Variants in ATP10A observed in about 807,000 individuals in gnomAD.
The protein encoded by ATP10A is ATPase phospholipid transporting 10A (putative), also known as phospholipid-transporting ATPase VA.
Under a neutral mutation model 147.8 loss-of-function variants are expected in ATP10A, and 111 were observed. The observed-to-expected ratio is 0.75, with a 90% CI of 0.64 to 0.88. The LOEUF (loss-of-function observed/expected upper bound fraction) is 0.88. ATP10A is among the 40% of genes least tolerant of loss of function. ATP10A has a pLI of 0.00. For synonymous variants in ATP10A, 875 were observed against 841.6 expected (o/e 1.04, Z -0.69); for missense variants, 1,927 against 1,959.0 (o/e 0.98, Z 0.31).
chr15:25,685,729 T>C (rs1899676432), intron 16 of ATP10A, among the ~76,000 whole-genome samples: 1 of 151,508 alleles, frequency 6.6e-6, no homozygotes, highest in East Asian at 1.9e-4. Context: ...GAGGCTGAGG[T>C]AGGGGGATTG....
chr15:25,831,373 A>C (rs1892349136), intron 1 of ATP10A, among the ~76,000 whole-genome samples: 1 of 152,222 alleles, frequency 6.6e-6, no homozygotes, highest in Admixed American at 6.5e-5. Flanking sequence ...TCTCCTTGAC[A>C]ACATTTTCCT....
chr15:25,834,600 A>C (rs1596975151), intron 1 of ATP10A, among the ~76,000 whole-genome samples: 1 of 152,338 alleles, frequency 6.6e-6, no homozygotes, highest in South Asian at 2.1e-4. Context: ...GTGCTCCAGC[A>C]AGTCTCCTCC....
Position 25,691,787 on chromosome 15 carries a change from A to G in ATP10A, c.3093T>C (p.Asp1031=), listed in dbSNP as rs207475297. The change falls in exon 15 of 21, where the codon GAT becomes GAC. Residue 1031 remains aspartate, a synonymous_variant. Coordinates refer to ENST00000555815, the MANE Select transcript of ATP10A (RefSeq NM_024490.4). The stretch of plus-strand genomic sequence containing the variant: ...GGATCATGCTGACATCATTGGCTCC[A>G]TCACCTAGAAACAGCACAGGCAAGA... ...KLKAMTLAIG[D]GANDVSMIQV... 3 of 1,614,074 alleles carry G rather than the reference A, an allele frequency of 1.9e-6. No individual in the cohort carries two copies. The South Asian group carries it at 3.3e-5, about 18-fold the overall frequency.
At chr15:25,712,894 C>T (rs1394116566) in intron 10 of ATP10A, among the ~76,000 whole-genome samples, 2 of 152,298 alleles carry the variant, frequency 1.3e-5, no homozygotes, top group East Asian at 1.9e-4. Context: ...GGCTTCTGTG[C>T]CAGGGGTCCT....
At chr15:25,695,278 C>T (rs1198580726) in intron 13 of ATP10A, 132 bp from the exon 14 acceptor site, 2 of 802,524 alleles carry the variant, frequency 2.5e-6, no homozygotes, top group African/African-American at 1.7e-5. Context: ...CCAGAGGCCA[C>T]CCTCCAGAAA....
At chr15:25,788,063 C>T (rs1890252397) in intron 1 of ATP10A, among the ~76,000 whole-genome samples, 1 of 152,146 alleles carries the variant, frequency 6.6e-6, no homozygotes, top group African/African-American at 2.4e-5. Context: ...GAGAGGTGCT[C>T]CCAACGTGGG....
intron 16 of ATP10A, among the ~76,000 whole-genome samples, chr15:25,685,220 G>T (rs1038977899): frequency 1.3e-5 from 2 of 152,180 alleles, no homozygotes; most frequent in African/African-American, 4.8e-5. Context: ...TAAAACTAAT[G>T]AATTTCTCAT....
chr15:25,771,765 T>C (rs1596855684), intron 2 of ATP10A, among the ~76,000 whole-genome samples: 1 of 152,002 alleles, frequency 6.6e-6, no homozygotes, highest in African/African-American at 2.4e-5. Context: ...TTTTTTTTTT[T>C]TTGAGACAGA....
chr15:25,721,578 G>A, intron 7 of ATP10A, 79 bp downstream of exon 7: 1 of 1,327,778 alleles, frequency 7.5e-7, no homozygotes. Context: ...GTGTGTGTGT[G>A]TGTGTGTCTC....
chr15:25,797,977 A>C (rs1439040027), intron 1 of ATP10A, among the ~76,000 whole-genome samples: 1 of 152,136 alleles, frequency 6.6e-6, no homozygotes, highest in Non-Finnish European at 1.5e-5. Flanking sequence ...TAAATGTAAG[A>C]CTTCTGTGTT....
At chr15:25,734,488 G>C (rs905745427) in intron 3 of ATP10A, among the ~76,000 whole-genome samples, 9 of 152,168 alleles carry the variant, frequency 5.9e-5, no homozygotes, top group African/African-American at 2.2e-4. Context: ...CCTGCTCTCT[G>C]TAGCCAACTC....
At chr15:25,804,580 T>C (rs1246061777) in intron 1 of ATP10A, among the ~76,000 whole-genome samples, 2 of 151,628 alleles carry the variant, frequency 1.3e-5, no homozygotes, top group African/African-American at 4.9e-5. Flanking sequence ...TGGAGTAGAG[T>C]GGAAAGAGCT....
intron 1 of ATP10A, among the ~76,000 whole-genome samples, chr15:25,796,971 C>G (rs974358731): frequency 6.6e-6 from 1 of 152,126 alleles, no homozygotes; most frequent in Non-Finnish European, 1.5e-5. Context: ...TCTCACATAC[C>G]GATCTTTTTT....
At chr15:25,681,169 CAACAACAAT>C in intron 17 of ATP10A, 95 bp from the exon 18 acceptor site, 2 of 1,256,946 alleles carry the variant, frequency 1.6e-6, no homozygotes, top group Non-Finnish European at 2.2e-6. Flanking sequence ...GTGTTAAAAA[CAACAACAAT>C]AACAACAAAA....
intron 16 of ATP10A, among the ~76,000 whole-genome samples, chr15:25,685,988 C>T (rs951869138): frequency 6.6e-6 from 1 of 152,062 alleles, no homozygotes; most frequent in African/African-American, 2.4e-5. Flanking sequence ...GCACTTGAGG[C>T]CTCAAAGTTC....
At chr15:25,732,558 C>CTTTTTTTTTTTTTTTTT (rs36120691) in intron 3 of ATP10A, among the ~76,000 whole-genome samples, 1 of 84,146 alleles carries the variant, frequency 1.2e-5, no homozygotes, top group African/African-American at 4.6e-5. Context: ...GCGACACCTT[C>CTTTTTTTTTTTTTTTTT]TTTTTTTTTT....
chr15:25,811,536 G>A (rs1036916928), intron 1 of ATP10A, among the ~76,000 whole-genome samples: 1 of 152,098 alleles, frequency 6.6e-6, no homozygotes. Context: ...TCTGTGGATG[G>A]GCCCATCCAA....
chr15:25,704,026 C>G (rs968749064), intron 12 of ATP10A, among the ~76,000 whole-genome samples: 1 of 151,732 alleles, frequency 6.6e-6, no homozygotes, highest in African/African-American at 2.4e-5. Flanking sequence ...TCCCCGTGAG[C>G]ACATCCCCAG....
rs551341166 is a variant in ATP10A, at chr15:25,854,602, T to C, written c.449+8046A>G. 1.4e-4 allele frequency among the ~76,000 whole-genome samples: 21 copies of C among 152,242 alleles called. 1 individual carries two copies. In the South Asian group the frequency reaches 3.7e-3, roughly 27 times the overall value. On this transcript the variant is annotated intron_variant, in intron 1 of 20. Transcript: ENST00000555815. ...CTATCACAACTGACTTGAGAAGAAA[T>C]AGTAAATCTGAAAGGAGTCATAACA... is the stretch of plus-strand genomic sequence containing the variant.
Sources: gnomAD v4.1 joint callset for allele counts (sites outside exome capture counted in the v4.1 genomes callset) on GRCh38, gnomAD v4.1.1 for gene constraint, MANE v1.5 for transcripts, NCBI Gene and HGNC (gene_info 2026-07-23, HGNC 2026-07-21) for gene names.